Variants in CTIF observed in about 807,000 individuals in gnomAD.
CTIF encodes the protein CBP80/20-dependent translation initiation factor.
In CTIF, 21 loss-of-function variants were observed where a neutral mutation model predicts 66.0. The observed-to-expected ratio is 0.32, with a 90% CI of 0.23 to 0.46. The LOEUF is 0.46. Ranked by LOEUF, CTIF falls within the 20% of genes least tolerant of loss-of-function variation. The pLI, the probability that CTIF is intolerant of heterozygous loss-of-function variation, is 1.00. For synonymous variants in CTIF, 345 were observed against 326.4 expected (o/e 1.06, Z -0.62); for missense variants, 739 against 812.7 (o/e 0.91, Z 1.10).
intron 6 of CTIF, among the ~76,000 whole-genome samples, chr18:48,687,990 T>C (rs2091870041): frequency 6.6e-6 from 1 of 152,260 alleles, no homozygotes; most frequent in African/African-American, 2.4e-5. Flanking sequence ...AAACCGCTTG[T>C]GTAGAACTTC....
chr18:48,857,977 A>C (rs903612320), intron 11 of CTIF, among the ~76,000 whole-genome samples: 1 of 152,216 alleles, frequency 6.6e-6, no homozygotes, highest in African/African-American at 2.4e-5. Context: ...TCTGCCCTCA[A>C]ATATTTCCCT....
chr18:48,594,238 C>T (rs1396208536), intron 1 of CTIF, among the ~76,000 whole-genome samples: 2 of 152,158 alleles, frequency 1.3e-5, no homozygotes, highest in Non-Finnish European at 2.9e-5. Context: ...GGGTCCCACA[C>T]TCAGAAGGGT....
At chr18:48,816,445 C>A (rs1211387830) in intron 9 of CTIF, among the ~76,000 whole-genome samples, 1 of 152,192 alleles carries the variant, frequency 6.6e-6, no homozygotes, top group African/African-American at 2.4e-5. Flanking sequence ...GGTCTCCACA[C>A]CTTAGCTATA....
intron 9 of CTIF, among the ~76,000 whole-genome samples, chr18:48,775,905 C>T (rs536072772): frequency 3.5e-4 from 53 of 152,310 alleles, no homozygotes; most frequent in African/African-American, 1.1e-3. Flanking sequence ...GCTGCCCAGC[C>T]GGGCCGTGAC....
In CTIF at chr18:48,790,973, C is replaced by A. The variant is rs12455636; in HGVS notation, c.1372-26248C>A. 3.7e-3 allele frequency among the ~76,000 whole-genome samples: 557 copies of A among 152,332 alleles called. 15 individuals carry two copies. Among genetic ancestry groups the A allele is most frequent in the Admixed American group, 0.031 (482 of 15,308 alleles). Reference sequence around the variant, plus strand: ...GCTCTCCCTCAGCCCCCAAACCTGTCCACCTTCTCACTCCATCTTCTCAGG... The same window carrying A: ...GCTCTCCCTCAGCCCCCAAACCTGTACACCTTCTCACTCCATCTTCTCAGG... On this transcript the variant is annotated intron_variant, in intron 9 of 11. Transcript: ENST00000256413.
intron 9 of CTIF, among the ~76,000 whole-genome samples, chr18:48,813,779 T>C (rs1367972246): frequency 1.3e-5 from 2 of 152,252 alleles, no homozygotes; most frequent in Admixed American, 1.3e-4. Context: ...ACACACTGCC[T>C]CCAAGTTTTT....
intron 2 of CTIF, among the ~76,000 whole-genome samples, chr18:48,628,834 T>C (rs1333660101): frequency 1.3e-5 from 2 of 152,166 alleles, no homozygotes; most frequent in African/African-American, 4.8e-5. Context: ...ATCTCAGCCA[T>C]CAGCAGCATC....
At position 48,558,206 on chromosome 18, in the gene CTIF, T is replaced by C. The variant is rs549079773; in HGVS notation, c.-29+18894T>C. Among the ~76,000 whole-genome samples the C allele has an allele frequency of 2.6e-5, 4 of 152,328 alleles. No homozygotes were observed. The East Asian group carries it at 7.7e-4, about 29-fold the overall frequency. On this transcript the variant is annotated intron_variant, in intron 1 of 11. Coordinates refer to ENST00000256413, the MANE Select transcript of CTIF (RefSeq NM_014772.3). ...TAGATACTTATGGACTGGTACAAAATATAAGCCATGTATTCATCTATGTGT... is the reference window on the plus strand; with the variant it reads ...TAGATACTTATGGACTGGTACAAAACATAAGCCATGTATTCATCTATGTGT...
At chr18:48,611,577 G>A (rs2090308182) in intron 1 of CTIF, among the ~76,000 whole-genome samples, 1 of 152,170 alleles carries the variant, frequency 6.6e-6, no homozygotes, top group South Asian at 2.1e-4. Context: ...GTAGTTCTCT[G>A]ACTGGCAGCA....
chr18:48,726,347 A>C (rs2092387088), intron 7 of CTIF, among the ~76,000 whole-genome samples: 1 of 152,186 alleles, frequency 6.6e-6, no homozygotes, highest in African/African-American at 2.4e-5. Context: ...AGAGTTTAAA[A>C]CAACAAATAT....
At chr18:48,797,954 G>C (rs1006019573) in intron 9 of CTIF, among the ~76,000 whole-genome samples, 2 of 152,318 alleles carry the variant, frequency 1.3e-5, no homozygotes, top group East Asian at 3.9e-4. Context: ...CAGGTGGAGA[G>C]AGACCCTGCC....
chr18:48,690,385 T>C (rs1314475829), intron 6 of CTIF, among the ~76,000 whole-genome samples: 1 of 152,168 alleles, frequency 6.6e-6, no homozygotes, highest in African/African-American at 2.4e-5. Flanking sequence ...CACATCTAGC[T>C]AGTTTCCTGA....
At chr18:48,569,026 G>A (rs1377687264) in intron 1 of CTIF, among the ~76,000 whole-genome samples, 2 of 152,150 alleles carry the variant, frequency 1.3e-5, no homozygotes, top group African/African-American at 4.8e-5. Context: ...CCTTCTTGCA[G>A]TGCCCTCATG....
At chr18:48,577,604 G>A (rs527861919) in intron 1 of CTIF, among the ~76,000 whole-genome samples, 47 of 151,576 alleles carry the variant, frequency 3.1e-4, no homozygotes, top group East Asian at 1.4e-3. Flanking sequence ...AGATAGTCTC[G>A]CTTTGTCACC....
At chr18:48,711,229 G>C (rs2092219680) in intron 6 of CTIF, among the ~76,000 whole-genome samples, 2 of 152,210 alleles carry the variant, frequency 1.3e-5, no homozygotes, top group Admixed American at 1.3e-4. Flanking sequence ...GCTTAGAGAA[G>C]TAACTTGTCC....
chr18:48,544,405 C>T (rs1465648697), intron 1 of CTIF, among the ~76,000 whole-genome samples: 2 of 152,164 alleles, frequency 1.3e-5, no homozygotes, highest in African/African-American at 2.4e-5. Flanking sequence ...GGGATATGAA[C>T]CCTGACTTCA....
chr18:48,665,140 T>A (rs1008699764), intron 5 of CTIF, among the ~76,000 whole-genome samples: 1 of 151,672 alleles, frequency 6.6e-6, no homozygotes, highest in Non-Finnish European at 1.5e-5. Context: ...GGTCTCGATC[T>A]CCTGACCTCA....
At chr18:48,669,791 A>ATT (rs35796033) in intron 5 of CTIF, among the ~76,000 whole-genome samples, 1 of 34,608 alleles carries the variant, frequency 2.9e-5, no homozygotes, top group Non-Finnish European at 6.7e-5. Flanking sequence ...CAAGCTAAAC[A>ATT]TTTATATATA....
intron 7 of CTIF, among the ~76,000 whole-genome samples, chr18:48,749,589 A>G (rs1447075701): frequency 6.6e-6 from 1 of 152,204 alleles, no homozygotes; most frequent in Admixed American, 6.5e-5. Flanking sequence ...TGGAAAACCC[A>G]TGGCATAATA....
Sources: allele counts gnomAD v4.1 joint callset (sites outside exome capture counted in the v4.1 genomes callset), GRCh38; gene constraint gnomAD v4.1.1; transcripts MANE v1.5; gene names NCBI Gene and HGNC (gene_info 2026-07-23, HGNC 2026-07-21).